The following CLYBL variants were observed in gnomAD, a reference collection of about 807,000 sequenced individuals.
CLYBL encodes the protein citramalyl-CoA lyase, also known as citramalyl-CoA lyase, mitochondrial.
Under a neutral mutation model 38.9 loss-of-function variants are expected in CLYBL, and 31 were observed. That is an observed-to-expected ratio of 0.80 (90% confidence interval 0.60 to 1.08). The LOEUF is 1.08. Ranked by LOEUF, CLYBL falls within the 50% of genes least tolerant of loss-of-function variation. CLYBL has a pLI of 0.00. For synonymous variants in CLYBL, 171 were observed against 158.6 expected, an observed-to-expected ratio of 1.08 and a Z score of -0.59; for missense variants, 434 against 411.6, an observed-to-expected ratio of 1.05 and a Z score of -0.47.
intron 1 of CLYBL, among the ~76,000 whole-genome samples, chr13:99,665,104 A>G (rs2047461604): frequency 6.6e-6 from 1 of 151,250 alleles, no homozygotes; most frequent in African/African-American, 2.4e-5. Context: ...TTTGTTATAT[A>G]TATTTTTATT....
intron 3 of CLYBL, among the ~76,000 whole-genome samples, chr13:99,862,594 C>G (rs892495012): frequency 6.6e-6 from 1 of 152,084 alleles, no homozygotes; most frequent in Non-Finnish European, 1.5e-5. Flanking sequence ...GTGCTGGGCA[C>G]GAAACAAAAA....
intron 9 of CLYBL, among the ~76,000 whole-genome samples, chr13:99,907,502 G>A (rs957523970): frequency 6.6e-6 from 1 of 151,660 alleles, no homozygotes; most frequent in Admixed American, 6.6e-5. Context: ...AAGACTACTG[G>A]TGATTTTTAT....
chr13:99,737,233 G>T (rs370226279), intron 1 of CLYBL, among the ~76,000 whole-genome samples: 26 of 152,264 alleles, frequency 1.7e-4, no homozygotes, highest in African/African-American at 6.0e-4. Flanking sequence ...CCTAGATGTG[G>T]CAAAATGCCT....
At chr13:99,717,327 G>A (rs891939401) in intron 1 of CLYBL, among the ~76,000 whole-genome samples, 1 of 148,022 alleles carries the variant, frequency 6.8e-6, no homozygotes, top group African/African-American at 2.5e-5. Context: ...TCGGGAGGCT[G>A]AGGCAGGAGA....
chr13:99,835,297 C>T (rs768558984), intron 2 of CLYBL, among the ~76,000 whole-genome samples: 5 of 152,298 alleles, frequency 3.3e-5, no homozygotes, highest in Middle Eastern at 3.4e-3. Flanking sequence ...AAGAGGTAGC[C>T]GGGTGGTCCA....
At chr13:99,771,311 T>C (rs1333743932) in intron 1 of CLYBL, among the ~76,000 whole-genome samples, 1 of 152,118 alleles carries the variant, frequency 6.6e-6, no homozygotes, top group Admixed American at 6.5e-5. Context: ...CTTCCCAAAG[T>C]ATTGGAATTA....
intron 1 of CLYBL, among the ~76,000 whole-genome samples, chr13:99,644,318 T>C (rs1056078605): frequency 3.3e-5 from 5 of 152,114 alleles, no homozygotes; most frequent in African/African-American, 1.2e-4. Flanking sequence ...CTTCTTCCTG[T>C]GGGTTGCAGT....
chr13:99,738,195 A>G (rs1386874328), intron 1 of CLYBL, among the ~76,000 whole-genome samples: 4 of 152,190 alleles, frequency 2.6e-5, no homozygotes, highest in Non-Finnish European at 5.9e-5. Flanking sequence ...TAACAACTTA[A>G]TTAGGGATGG....
chr13:99,703,186 G>A (rs1183743386), intron 1 of CLYBL, among the ~76,000 whole-genome samples: 1 of 152,198 alleles, frequency 6.6e-6, no homozygotes, highest in African/African-American at 2.4e-5. Flanking sequence ...GGCACGAGGT[G>A]GCTCTAGCCT....
At chr13:99,615,236 A>G (rs1166091530) in intron 1 of CLYBL, among the ~76,000 whole-genome samples, 1 of 152,166 alleles carries the variant, frequency 6.6e-6, no homozygotes. Flanking sequence ...ACTTTCTGAA[A>G]ACAGCCTTTG....
intron 1 of CLYBL, chr13:99,643,252 C>G (rs1236192316): frequency 6.5e-6 from 1 of 152,680 alleles, no homozygotes; most frequent in Non-Finnish European, 1.5e-5. Context: ...CCTCACTGCT[C>G]CGGTGCCAAA....
intron 1 of CLYBL, among the ~76,000 whole-genome samples, chr13:99,771,292 C>T (rs2049390495): frequency 6.6e-6 from 1 of 152,162 alleles, no homozygotes. Flanking sequence ...AGTGATCTGC[C>T]TGCCTTGGCT....
At chr13:99,623,330 T>G (rs2046824113) in intron 1 of CLYBL, among the ~76,000 whole-genome samples, 1 of 152,208 alleles carries the variant, frequency 6.6e-6, no homozygotes, top group Non-Finnish European at 1.5e-5. Context: ...CGCGGTTTCT[T>G]CCAAATCATT....
At chr13:99,720,425 T>G (rs2048376753) in intron 1 of CLYBL, among the ~76,000 whole-genome samples, 1 of 152,220 alleles carries the variant, frequency 6.6e-6, no homozygotes, top group African/African-American at 2.4e-5. Context: ...TAATTGATAT[T>G]GCTGGCTCAT....
At chr13:99,692,157 A>T (rs2047912140) in intron 1 of CLYBL, among the ~76,000 whole-genome samples, 1 of 152,166 alleles carries the variant, frequency 6.6e-6, no homozygotes, top group Admixed American at 6.5e-5. Flanking sequence ...ATGCCAGCAG[A>T]CGCATTACAT....
chr13:99,644,465 T>C (rs2047147714), intron 1 of CLYBL, among the ~76,000 whole-genome samples: 1 of 152,226 alleles, frequency 6.6e-6, no homozygotes, highest in African/African-American at 2.4e-5. Flanking sequence ...TCAAGGTAAA[T>C]AGGGTATCTC....
chr13:99,888,586 C>A (rs960988132), intron 7 of CLYBL, among the ~76,000 whole-genome samples: 1 of 152,002 alleles, frequency 6.6e-6, no homozygotes, highest in South Asian at 2.1e-4. Context: ...CCAGTCTCTA[C>A]TAAAAATACA....
At chr13:99,789,822 T>C (rs1052920276) in intron 2 of CLYBL, among the ~76,000 whole-genome samples, 3 of 152,224 alleles carry the variant, frequency 2.0e-5, no homozygotes, top group African/African-American at 7.2e-5. Context: ...ATTATTATTG[T>C]ATGGGAGTCT....
At chr13:99,725,804 C>T (rs1007752049) in intron 1 of CLYBL, among the ~76,000 whole-genome samples, 3 of 152,152 alleles carry the variant, frequency 2.0e-5, no homozygotes, top group Non-Finnish European at 4.4e-5. Flanking sequence ...GTGGTGTTTG[C>T]GTAAATCCCC....
Sources: gnomAD v4.1 joint callset for allele counts (sites outside exome capture counted in the v4.1 genomes callset) on GRCh38, gnomAD v4.1.1 for gene constraint, MANE v1.5 for transcripts, NCBI Gene and HGNC (gene_info 2026-07-23, HGNC 2026-07-21) for gene names.